WFS1: variants seen among roughly 807,000 people sequenced by gnomAD.
WFS1 encodes wolframin ER transmembrane glycoprotein.
WFS1 carries 90 observed loss-of-function variants against 68.5 expected under a neutral mutation model. The ratio of observed to expected loss-of-function variants is 1.31; its 90% confidence interval spans 1.11 to 1.56. The LOEUF is 1.56. Among genes scored for constraint, WFS1 ranks in the 40% most tolerant of loss-of-function variants. WFS1 has a pLI of 0.00. For missense variants in WFS1, 1,767 were observed against 1,232.6 expected (o/e 1.43, Z -6.49); for synonymous variants, 860 against 540.7 (o/e 1.59, Z -8.19).
rs193281672 is a variant in WFS1 at position 6,279,961 on chromosome 4, C to G, written c.232+2274C>G. On this transcript the variant is annotated intron_variant, in intron 2 of 7. Coordinates refer to ENST00000226760, the MANE Select transcript of WFS1 (RefSeq NM_006005.3). ...TTCAGAAACGTCACTGGGCTGGAGC[C>G]CCACACTTCCTTCCCATCCTGGCTC... is the stretch of plus-strand genomic sequence containing the variant. Among the ~76,000 whole-genome samples, 503 of 152,332 alleles carry G rather than the reference C, an allele frequency of 3.3e-3. 3 individuals carry two copies. Among genetic ancestry groups the G allele is most frequent in the Non-Finnish European group, 3.1e-3 (208 of 68,030 alleles).
At position 6,291,265 on chromosome 4, in the gene WFS1, C is replaced by T. The variant is rs760631912; in HGVS notation, c.529C>T (p.Arg177Cys). ...SSETDLERAV[R>C]KAALVMYWKL... ...CGAGACCGACCTGGAGAGGGCCGTG[C>T]GCAAGGCAGCCCTGGTCATGTACTG... is the stretch of plus-strand genomic sequence containing the variant. The change falls in exon 5 of 8, where the codon CGC becomes TGC. Residue 177 changes from arginine to cysteine, a missense_variant. Physicochemically the swap from Arg to Cys is radical, Grantham distance 180. Coordinates refer to ENST00000226760, the MANE Select transcript of WFS1 (RefSeq NM_006005.3). 7.4e-6 allele frequency: 12 copies of T among 1,613,140 alleles called. No homozygotes were observed. The highest frequency in any genetic ancestry group is 2.2e-5 in the East Asian group (1 of 44,822).
At chr4:6,276,889 A>T (rs1730010046) in intron 1 of WFS1, among the ~76,000 whole-genome samples, 1 of 152,164 alleles carries the variant, frequency 6.6e-6, no homozygotes, top group Non-Finnish European at 1.5e-5. Context: ...CTCCTTGGCC[A>T]CTGTCACCCG....
At chr4:6,300,583 T>C in intron 7 of WFS1, 74 bp from the exon 8 acceptor site, 1 of 1,601,800 alleles carries the variant, frequency 6.2e-7, no homozygotes, top group Non-Finnish European at 8.5e-7. Flanking sequence ...GGCAGGGTGG[T>C]CAGAGGGAGG....
intron 3 of WFS1, 140 bp from the exon 4 acceptor site, chr4:6,288,847 G>C: frequency 7.8e-7 from 1 of 1,286,110 alleles, no homozygotes; most frequent in Admixed American, 2.0e-5. Context: ...TAGTGGACAT[G>C]CCTGGTGTGA....
At chr4:6,292,139 TC>T (rs1312165553) in intron 6 of WFS1, 142 bp downstream of exon 6, 1 of 852,934 alleles carries the variant, frequency 1.2e-6, no homozygotes, top group African/African-American at 1.7e-5. Context: ...GACCTCTCCT[TC>T]CTGTGCGACC....
intron 1 of WFS1, among the ~76,000 whole-genome samples, chr4:6,273,088 G>A (rs1031521474): frequency 2.0e-5 from 3 of 152,224 alleles, no homozygotes; most frequent in African/African-American, 7.2e-5. Context: ...CTTCCCACAG[G>A]GGCTGTTTCT....
chr4:6,295,196 G>T lies in WFS1; in HGVS notation c.861+7G>T. 1 of 1,611,260 alleles carries T rather than the reference G, an allele frequency of 6.2e-7. No homozygotes were observed. The highest frequency in any genetic ancestry group is 1.1e-5 in the South Asian group (1 of 90,994). ...CCTGCCACTGCGTCTGAAGGTGAGT[G>T]ACCAAGACCCCGGTCAGGCCGGAGC... is the stretch of plus-strand genomic sequence containing the variant. On this transcript the variant is annotated splice_region_variant and intron_variant, in intron 7 of 7. Coordinates refer to ENST00000226760, the MANE Select transcript of WFS1 (RefSeq NM_006005.3).
chr4:6,273,062 G>A (rs1421527218), intron 1 of WFS1, among the ~76,000 whole-genome samples: 3 of 152,252 alleles, frequency 2.0e-5, no homozygotes, highest in Admixed American at 6.5e-5. Flanking sequence ...ATCAGAGAGA[G>A]TGAACATCAT....
At chr4:6,270,433 G>A (rs978611684) in intron 1 of WFS1, among the ~76,000 whole-genome samples, 86 of 150,884 alleles carry the variant, frequency 5.7e-4, no homozygotes, top group African/African-American at 1.9e-3. Flanking sequence ...CCGCCCGGCC[G>A]TTGGAACGCG....
At chr4:6,284,453 G>A (rs1041837183) in intron 2 of WFS1, among the ~76,000 whole-genome samples, 5 of 152,296 alleles carry the variant, frequency 3.3e-5, no homozygotes, top group Non-Finnish European at 5.9e-5. Context: ...AATAACTTCT[G>A]TGAAAAATTA....
intron 1 of WFS1, among the ~76,000 whole-genome samples, chr4:6,275,193 G>A (rs371135478): frequency 5.2e-4 from 79 of 152,352 alleles, no homozygotes; most frequent in Middle Eastern, 6.8e-3. Flanking sequence ...TCAGCCCTCA[G>A]TAAAGGTGCC....
intron 7 of WFS1, among the ~76,000 whole-genome samples, chr4:6,299,827 T>C (rs112428272): frequency 8.1e-6 from 1 of 124,040 alleles, no homozygotes; most frequent in East Asian, 2.6e-4. Context: ...TGCGTGTGTG[T>C]GAATGTGTAT....
intron 7 of WFS1, 88 bp from the exon 8 acceptor site, chr4:6,300,569 C>G: frequency 3.8e-6 from 6 of 1,588,672 alleles, no homozygotes; most frequent in Non-Finnish European, 5.1e-6. Context: ...TCCTTTTGCC[C>G]AGAGGCAGGG....
chr4:6,294,296 G>C (rs1730562197), intron 6 of WFS1, among the ~76,000 whole-genome samples: 1 of 152,128 alleles, frequency 6.6e-6, no homozygotes, highest in Admixed American at 6.5e-5. Flanking sequence ...TTGGATAGAG[G>C]GGTCAGTGGG....
Position 6,302,566 on chromosome 4 carries a change from C to G in WFS1, c.*98C>G, listed in dbSNP as rs1730992888. On this transcript the variant is annotated 3_prime_UTR_variant, in exon 8 of 8. Transcript: ENST00000226760. ...AGGCATGCACCAGTGCCGCCTGTGCCCACGTGTGCAGACTGTGGCTGCAGA... is the reference window on the plus strand; with the variant it reads ...AGGCATGCACCAGTGCCGCCTGTGCGCACGTGTGCAGACTGTGGCTGCAGA... The G allele has an allele frequency of 1.9e-6, 3 of 1,546,608 alleles. No homozygotes were observed. The highest frequency in any genetic ancestry group is 2.6e-6 in the Non-Finnish European group (3 of 1,143,842).
chr4:6,293,237 AG>A (rs1004996741), intron 6 of WFS1, among the ~76,000 whole-genome samples: 13 of 152,070 alleles, frequency 8.5e-5, no homozygotes, highest in Admixed American at 7.9e-4. Flanking sequence ...GTTTGTGATG[AG>A]CCGGGCACAC....
In WFS1 at chr4:6,291,947, A is replaced by C; in HGVS notation, c.662A>C (p.Lys221Thr). The change falls in exon 6 of 8, where the codon AAG (lysine) becomes ACG (threonine). Residue 221 changes from lysine to threonine, a missense_variant. Coordinates refer to ENST00000226760, the MANE Select transcript of WFS1 (RefSeq NM_006005.3). The part of the protein sequence containing the change: ...DGGAQPGPVP[K>T]SLQKQRRMLE... The stretch of plus-strand genomic sequence containing the variant: ...GGGGCGCAGCCAGGCCCCGTGCCCA[A>C]GTCCCTGCAGAAGCAGAGGCGCATG... 4 of 1,611,378 alleles carry C rather than the reference A, an allele frequency of 2.5e-6. No homozygotes were observed. Among genetic ancestry groups the C allele is most frequent in the Non-Finnish European group, 3.4e-6 (4 of 1,179,452 alleles).
chr4:6,302,564 G>T lies in WFS1; in HGVS notation c.*96G>T. 1.3e-6 allele frequency: 2 copies of T among 1,549,160 alleles called. No individual in the cohort carries two copies. Among genetic ancestry groups the T allele is most frequent in the South Asian group, 2.4e-5 (2 of 85,046 alleles). ...ACAGGCATGCACCAGTGCCGCCTGT[G>T]CCCACGTGTGCAGACTGTGGCTGCA... On this transcript the variant is annotated 3_prime_UTR_variant, in exon 8 of 8. Coordinates refer to ENST00000226760, the MANE Select transcript of WFS1 (RefSeq NM_006005.3).
intron 2 of WFS1, among the ~76,000 whole-genome samples, chr4:6,278,028 G>A (rs1225854539): frequency 1.3e-5 from 2 of 152,256 alleles, no homozygotes; most frequent in African/African-American, 4.8e-5. Flanking sequence ...AACTAGGGTG[G>A]CAGGCCAGAG....
Sources: gnomAD v4.1 joint callset for allele counts (sites outside exome capture counted in the v4.1 genomes callset) on GRCh38, gnomAD v4.1.1 for gene constraint, MANE v1.5 for transcripts, NCBI Gene and HGNC (gene_info 2026-07-23, HGNC 2026-07-21) for gene names.